TENM3: variants seen among roughly 807,000 people sequenced by gnomAD.
TENM3 encodes the protein teneurin transmembrane protein 3.
Under a neutral mutation model 255.1 loss-of-function variants are expected in TENM3, and 63 were observed. The observed-to-expected ratio is 0.25, with a 90% CI of 0.20 to 0.30. The LOEUF is 0.30. TENM3 is among the 10% of genes least tolerant of loss of function. The pLI is 1.00. For synonymous variants in TENM3, 1,306 were observed against 1,322.3 expected, an observed-to-expected ratio of 0.99 and a Z score of 0.27; for missense variants, 2,929 against 3,461.1, an observed-to-expected ratio of 0.85 and a Z score of 3.86.
the TENM3 span, among the ~76,000 whole-genome samples, chr4:181,949,756 C>G: frequency 6.6e-6 from 1 of 152,166 alleles, no homozygotes; most frequent in East Asian, 1.9e-4. Context: ...CCCACACCCT[C>G]TCTGAGTTCA....
At chr4:182,085,672 T>C in the TENM3 span, among the ~76,000 whole-genome samples, 1 of 152,210 alleles carries the variant, frequency 6.6e-6, no homozygotes, top group Non-Finnish European at 1.5e-5. Flanking sequence ...GCCAAAGTGA[T>C]CTGGCGTGCC....
At chr4:181,641,637 T>C in the TENM3 span, among the ~76,000 whole-genome samples, 2 of 48,454 alleles carry the variant, frequency 4.1e-5, no homozygotes, top group African/African-American at 1.4e-4. Context: ...TGTATATATA[T>C]ATAATGGAAA....
At chr4:182,431,414 A>T (rs1046053007) in intron 3 of TENM3, among the ~76,000 whole-genome samples, 2 of 152,088 alleles carry the variant, frequency 1.3e-5, no homozygotes, top group African/African-American at 2.4e-5. Flanking sequence ...GAATAGCTTG[A>T]ACCCGGGAGG....
At chr4:181,449,086 C>A in the TENM3 span, among the ~76,000 whole-genome samples, 2 of 152,148 alleles carry the variant, frequency 1.3e-5, no homozygotes, top group Non-Finnish European at 2.9e-5. Context: ...CTTTTTAATA[C>A]ATTTTATAGG....
At chr4:181,612,659 CT>C in the TENM3 span, among the ~76,000 whole-genome samples, 2 of 152,048 alleles carry the variant, frequency 1.3e-5, no homozygotes, top group African/African-American at 4.8e-5. Flanking sequence ...TTTTCCTTTT[CT>C]TTTTTTCTTT....
chr4:182,523,315 G>A (rs1295246983), intron 3 of TENM3, among the ~76,000 whole-genome samples: 1 of 152,022 alleles, frequency 6.6e-6, no homozygotes, highest in African/African-American at 2.4e-5. Flanking sequence ...TTGCCACCAA[G>A]GCTGTACTTC....
At chr4:182,333,539 T>A (rs888648391) in intron 2 of TENM3, among the ~76,000 whole-genome samples, 2 of 152,150 alleles carry the variant, frequency 1.3e-5, no homozygotes, top group East Asian at 3.9e-4. Flanking sequence ...AAGGATTCTT[T>A]ATTCAAATAA....
intron 3 of TENM3, among the ~76,000 whole-genome samples, chr4:182,411,761 A>T (rs924920042): frequency 6.6e-6 from 1 of 152,216 alleles, no homozygotes; most frequent in African/African-American, 2.4e-5. Context: ...TGAGGAAGAT[A>T]GTGAATACTT....
chr4:181,684,918 C>CTTT, the TENM3 span, among the ~76,000 whole-genome samples: 31 of 45,046 alleles, frequency 6.9e-4, 1 homozygote, highest in South Asian at 1.3e-3. Context: ...CCGTGCCTGG[C>CTTT]TTTTTTTTTT....
the TENM3 span, among the ~76,000 whole-genome samples, chr4:181,905,247 A>ATCTCC: frequency 6.6e-6 from 1 of 152,148 alleles, no homozygotes; most frequent in East Asian, 1.9e-4. Flanking sequence ...TGTATTTCTT[A>ATCTCC]TCTCCTTCAC....
chr4:182,655,612 G>T (rs981867611), intron 6 of TENM3, among the ~76,000 whole-genome samples: 8 of 152,094 alleles, frequency 5.3e-5, no homozygotes, highest in African/African-American at 1.9e-4. Flanking sequence ...CGGCGTGCTT[G>T]GTTATTCAGA....
At chr4:181,697,651 C>T in the TENM3 span, among the ~76,000 whole-genome samples, 3 of 152,054 alleles carry the variant, frequency 2.0e-5, no homozygotes, top group Non-Finnish European at 4.4e-5. Flanking sequence ...CTTGGCCTCC[C>T]AAAGTGCTGG....
At chr4:181,826,564 C>T in the TENM3 span, among the ~76,000 whole-genome samples, 97 of 152,344 alleles carry the variant, frequency 6.4e-4, 1 homozygote, top group African/African-American at 1.9e-3. Context: ...GGCCTATCTT[C>T]TGAGGCCATC....
intron 3 of TENM3, among the ~76,000 whole-genome samples, chr4:182,401,872 A>G (rs892846679): frequency 6.6e-6 from 1 of 152,212 alleles, no homozygotes; most frequent in Non-Finnish European, 1.5e-5. Flanking sequence ...TGAAAACTTA[A>G]TAAGGAATTG....
chr4:181,479,607 AACAC>A, the TENM3 span, among the ~76,000 whole-genome samples: 16 of 152,232 alleles, frequency 1.1e-4, no homozygotes, highest in Non-Finnish European at 1.8e-4. Context: ...AATTTTAAAA[AACAC>A]ACACAGAGGA....
At chr4:182,354,760 T>C (rs976641406) in intron 3 of TENM3, among the ~76,000 whole-genome samples, 1 of 152,230 alleles carries the variant, frequency 6.6e-6, no homozygotes, top group African/African-American at 2.4e-5. Context: ...TTTGAATGCA[T>C]GTTAAAATGG....
At chr4:182,029,723 A>T in the TENM3 span, among the ~76,000 whole-genome samples, 3 of 152,192 alleles carry the variant, frequency 2.0e-5, no homozygotes, top group Non-Finnish European at 4.4e-5. Context: ...CACATGAAAC[A>T]TTGTAAAAGT....
At chr4:181,703,526 C>G in the TENM3 span, among the ~76,000 whole-genome samples, 2 of 152,106 alleles carry the variant, frequency 1.3e-5, no homozygotes, top group Non-Finnish European at 2.9e-5. Flanking sequence ...TGCGTTAAAA[C>G]CTTCTCCCTC....
At chr4:182,788,428 C>T (rs890644182) in intron 24 of TENM3, among the ~76,000 whole-genome samples, 6 of 152,218 alleles carry the variant, frequency 3.9e-5, no homozygotes, top group African/African-American at 1.4e-4. Context: ...TCTATGACAA[C>T]ACATGGTGCT....
Sources: gnomAD v4.1 joint callset for allele counts (sites outside exome capture counted in the v4.1 genomes callset) on GRCh38, gnomAD v4.1.1 for gene constraint, MANE v1.5 for transcripts, NCBI Gene and HGNC (gene_info 2026-07-23, HGNC 2026-07-21) for gene names.